The following EPOR variants were observed in gnomAD, a reference collection of about 807,000 sequenced individuals.
The protein encoded by EPOR is erythropoietin receptor.
A neutral mutation model predicts 34.3 loss-of-function variants in EPOR; 20 were observed. The observed-to-expected ratio is 0.58, with a 90% confidence interval of 0.41 to 0.85. EPOR has a LOEUF of 0.85. EPOR is among the 40% of genes least tolerant of loss of function. The pLI is 0.00. For synonymous variants in EPOR, 312 were observed against 299.0 expected (o/e 1.04, Z -0.45); for missense variants, 601 against 672.7 (o/e 0.89, Z 1.18).
At chr19:11,379,665 C>T (rs145717443) in intron 6 of EPOR, among the ~76,000 whole-genome samples, 1 of 152,028 alleles carries the variant, frequency 6.6e-6, no homozygotes, top group East Asian at 1.9e-4. Flanking sequence ...TCAATATCTG[C>T]CACACCCCCT....
chr19:11,380,312 T>C (rs562985381), intron 6 of EPOR, among the ~76,000 whole-genome samples: 1 of 152,302 alleles, frequency 6.6e-6, no homozygotes, highest in East Asian at 1.9e-4. Flanking sequence ...CTCCATTCTC[T>C]CTCCAGTGCC....
At position 11,378,635 on chromosome 19, in the gene EPOR, T is replaced by A. The variant is rs374871864; in HGVS notation, c.916-40A>T. 3 of 1,614,106 alleles carry A rather than the reference T, an allele frequency of 1.9e-6. No individual in the cohort carries two copies. The South Asian group carries it at 3.3e-5, about 18-fold the overall frequency. On this transcript the variant is annotated intron_variant, in intron 7 of 7. Coordinates refer to ENST00000222139, the MANE Select transcript of EPOR (RefSeq NM_000121.4). The surrounding 1 kb of genome is among the most constrained non-coding windows in gnomAD (Gnocchi z 5.3). ...CCAACCTGCTCAGAGAGGCCTGCAG[T>A]TTGGCTGCAAGAAGCAGGGAAGCCC...
chr19:11,377,300 G>A lies in EPOR; in HGVS notation c.*684C>T. The A allele has an allele frequency of 2.2e-6, 1 of 454,054 alleles. No individual in the cohort carries two copies. The highest frequency in any genetic ancestry group is 1.6e-5 in the South Asian group (1 of 64,474). The allele number at this position is 454,054 out of a possible 1,614,324, so 28.1% of individuals were successfully genotyped here. ...CTTCCTGGGTGTACAGCTAAACTAA[G>A]TTTCCTGGCCTTTCATGTGACTGGG... On this transcript the variant is annotated 3_prime_UTR_variant, in exon 8 of 8. Transcript: ENST00000222139.
rs375609414 is a variant in EPOR, at chr19:11,381,125, T to A, written c.670A>T (p.Met224Leu). 1.3e-6 allele frequency: 2 copies of A among 1,580,440 alleles called. No homozygotes were observed. The highest frequency in any genetic ancestry group is 1.8e-5 in the Admixed American group (1 of 55,468). ...AAGCCGCCGAAGCTCGGCTCAGCCATACGCGCGCGGACGGCGAAGGTGTAG... is the reference window on the plus strand; with the variant it reads ...AAGCCGCCGAAGCTCGGCTCAGCCAAACGCGCGCGGACGGCGAAGGTGTAG... ...TRYTFAVRAR[M>L]AEPSFGGFWS... is the part of the protein sequence containing the mutation. The change falls in exon 5 of 8, where the codon ATG (methionine) becomes TTG (leucine). Residue 224 changes from methionine to leucine, a missense_variant. Transcript: ENST00000222139. This position sits in a 1 kb window ranked among gnomAD's most constrained non-coding sequence, Gnocchi z 5.3.
At position 11,381,282 on chromosome 19, in the gene EPOR, C is replaced by T. The variant is rs1335215691; in HGVS notation, c.586-73G>A. ...GACGTGGGGGCGGGCCCTGGTGGAA[C>T]TGAGCCAATCAGGGGAAAGGAAAAC... On this transcript the variant is annotated intron_variant, in intron 4 of 7. Transcript: ENST00000222139. The surrounding 1 kb of genome is among the most constrained non-coding windows in gnomAD (Gnocchi z 5.3). The T allele has an allele frequency of 5.3e-6, 8 of 1,495,668 alleles. No individual in the cohort carries two copies. The highest frequency in any genetic ancestry group is 7.3e-6 in the Non-Finnish European group (8 of 1,100,516). 92.6% of individuals were successfully genotyped at this position (1,495,668 alleles called of 1,614,324 possible). A position where few individuals can be genotyped will look rare whatever the true frequency, so the allele number is the denominator to read the frequency against.
Position 11,378,277 on chromosome 19 carries a change from A to G in EPOR, c.1234T>C (p.Ser412Pro), listed in dbSNP as rs2144694094. 6.2e-7 allele frequency: 1 copy of G among 1,614,080 alleles called. No individual in the cohort carries two copies. The highest frequency in any genetic ancestry group is 1.1e-5 in the South Asian group (1 of 91,088). Residue 412 changes from serine to proline, a missense_variant, in exon 8 of 8, where the codon TCG (serine) becomes CCG (proline). Ser to Pro is a moderately conservative substitution (Grantham distance 74). Transcript: ENST00000222139. The surrounding 1 kb of genome is among the most constrained non-coding windows in gnomAD (Gnocchi z 5.3). ...GAGGCTCCCTCTGGGCTGGGCTTCG[A>G]GGCCAAAGCAGATGAGCAGGAGGAT... ...EASSCSSALA[S>P]KPSPEGASAA... is the part of the protein sequence containing the mutation.
chr19:11,382,833 T>C (rs1053724554), intron 2 of EPOR: 13 of 1,462,278 alleles, frequency 8.9e-6, no homozygotes, highest in Non-Finnish European at 6.4e-6. Flanking sequence ...AGCCCCGACG[T>C]AGTAACGCCT....
chr19:11,381,130 G>A lies in EPOR; in HGVS notation c.665C>T (p.Ala222Val). Residue 222 changes from alanine (A) to valine (V), a missense_variant, in exon 5 of 8, where the codon GCG becomes GTG. Coordinates refer to ENST00000222139, the MANE Select transcript of EPOR (RefSeq NM_000121.4). This position sits in a 1 kb window ranked among gnomAD's most constrained non-coding sequence, Gnocchi z 5.3. ...GRTRYTFAVR[A>V]RMAEPSFGGF... is the part of the protein sequence containing the mutation. ...GCCGAAGCTCGGCTCAGCCATACGC[G>A]CGCGGACGGCGAAGGTGTAGCGCGT... 1 of 1,571,946 alleles carries A rather than the reference G, an allele frequency of 6.4e-7. No individual in the cohort carries two copies.
At chr19:11,380,059 G>A (rs1968335662) in intron 6 of EPOR, among the ~76,000 whole-genome samples, 1 of 152,300 alleles carries the variant, frequency 6.6e-6, no homozygotes, top group South Asian at 2.1e-4. Context: ...CCACCTCAGG[G>A]CCTTTGCACT....
Position 11,378,348 on chromosome 19 carries a change from G to A in EPOR, c.1163C>T (p.Pro388Leu), listed in dbSNP as rs1163832180. 1 of 1,613,348 alleles carries A rather than the reference G, an allele frequency of 6.2e-7. No homozygotes were observed. The highest frequency in any genetic ancestry group is 1.1e-5 in the South Asian group (1 of 91,086). The change falls in exon 8 of 8, where the codon CCT becomes CTT. Residue 388 changes from proline to leucine, a missense_variant. Physicochemically the swap from Pro to Leu is moderately conservative, Grantham distance 98. Coordinates refer to ENST00000222139, the MANE Select transcript of EPOR (RefSeq NM_000121.4). The surrounding 1 kb of genome is among the most constrained non-coding windows in gnomAD (Gnocchi z 5.3). ...RNPPSEDLPG[P>L]GGSVDIVAMD... ...GGCCACTATGTCCACACTGCCACCA[G>A]GCCCTGGGAGGTCCTCACTGGGCGG...
intron 6 of EPOR, among the ~76,000 whole-genome samples, chr19:11,380,612 G>A (rs1968342281): frequency 6.6e-6 from 1 of 152,204 alleles, no homozygotes; most frequent in East Asian, 1.9e-4. Flanking sequence ...TTTTACAAAG[G>A]TGATGACACT....
In EPOR at chr19:11,382,099, C is replaced by T; in HGVS notation, c.258G>A (p.Glu86=). 6.2e-7 allele frequency: 1 copy of T among 1,613,324 alleles called. No individual in the cohort carries two copies. The highest frequency in any genetic ancestry group is 8.5e-7 in the Non-Finnish European group (1 of 1,179,470). The change falls in exon 3 of 8, where the codon GAG becomes GAA. Residue 86 remains glutamate (E), a synonymous_variant. Coordinates refer to ENST00000222139, the MANE Select transcript of EPOR (RefSeq NM_000121.4). ...GGTGCAGGCGACACAGCTTCCATGG[C>T]TCATCCCTATGCGCCCAGGGAAGGG... is the stretch of plus-strand genomic sequence containing the variant. ...NYSFSYQLED[E]PWKLCRLHQA...
rs869111819 is a variant in EPOR, at chr19:11,382,361, CT to C, written c.252-257del. 0.063 allele frequency among the ~76,000 whole-genome samples: 7,816 copies of C among 124,746 alleles called. 158 individuals are homozygous for C. The highest frequency in any genetic ancestry group is 0.16 in the East Asian group (720 of 4,418). The allele number at this position is 124,746 out of a possible 152,430, so 81.8% of individuals were successfully genotyped here. A position where few individuals can be genotyped will look rare whatever the true frequency, so the allele number is the denominator to read the frequency against. Reference sequence around the variant, plus strand: ...GACCACAGGCACGCGCCACGCCTGGCTTTTTTTTTTTTTTTTTTTGAGACGG... The same window carrying C: ...GACCACAGGCACGCGCCACGCCTGGCTTTTTTTTTTTTTTTTTTGAGACGG... On this transcript the variant is annotated intron_variant, in intron 2 of 7. Coordinates refer to ENST00000222139, the MANE Select transcript of EPOR (RefSeq NM_000121.4).
In EPOR at chr19:11,378,463, C is replaced by G. The variant is rs765269651; in HGVS notation, c.1048G>C (p.Asp350His). Residue 350 changes from aspartate (D) to histidine (H), a missense_variant, in exon 8 of 8, where the codon GAT (aspartate) becomes CAT (histidine). Physicochemically the swap from Asp to His is moderately conservative, Grantham distance 81. Transcript: ENST00000222139. This position sits in a 1 kb window ranked among gnomAD's most constrained non-coding sequence, Gnocchi z 5.3. Reference protein sequence around the residue: ...GTMQAVEPGTDDEGPLLEPVG... With the variant: ...GTMQAVEPGTHDEGPLLEPVG... Reference sequence around the variant, plus strand: ...GGCTCCAGCAGGGGGCCCTCATCATCTGTCCCCGGCTCCACTGCCTGCATC... The same window carrying G: ...GGCTCCAGCAGGGGGCCCTCATCATGTGTCCCCGGCTCCACTGCCTGCATC... 3 of 1,614,230 alleles carry G rather than the reference C, an allele frequency of 1.9e-6. No individual in the cohort carries two copies. The highest frequency in any genetic ancestry group is 1.7e-6 in the Non-Finnish European group (2 of 1,180,040).
chr19:11,381,332 C>T lies in EPOR; in HGVS notation c.586-123G>A. On this transcript the variant is annotated intron_variant, in intron 4 of 7. Transcript: ENST00000222139. This position sits in a 1 kb window ranked among gnomAD's most constrained non-coding sequence, Gnocchi z 5.3. ...CGGTGCCCTAGAATTGCAATGGGAC[C>T]AATAAGAGTAGGGGGAGGAGCCCAA... 9.3e-7 allele frequency: 1 copy of T among 1,078,976 alleles called. No homozygotes were observed. The highest frequency in any genetic ancestry group is 1.4e-5 in the South Asian group (1 of 73,178). 66.8% of individuals were successfully genotyped at this position (1,078,976 alleles called of 1,614,324 possible).
Position 11,383,986 on chromosome 19 carries a change from A to G in EPOR, c.115+107T>C. The G allele has an allele frequency of 1.8e-6, 1 of 565,298 alleles. No homozygotes were observed. Among genetic ancestry groups the G allele is most frequent in the South Asian group, 1.5e-5 (1 of 66,146 alleles). The allele number at this position is 565,298 out of a possible 1,614,324, so 35.0% of individuals were successfully genotyped here. A position where few individuals can be genotyped will look rare whatever the true frequency, so the allele number is the denominator to read the frequency against. On this transcript the variant is annotated intron_variant, in intron 1 of 7. Coordinates refer to ENST00000222139, the MANE Select transcript of EPOR (RefSeq NM_000121.4). The surrounding 1 kb of genome is among the most constrained non-coding windows in gnomAD (Gnocchi z 4.9). ...CCAGCTTGGCCCCCAGGACCCGGTC[A>G]GGAAGTCCAGAAACAGGCATGGCCC...
At chr19:11,382,888 G>C in intron 2 of EPOR, 2 of 1,525,284 alleles carry the variant, frequency 1.3e-6, no homozygotes, top group Non-Finnish European at 1.8e-6. Flanking sequence ...GATGTTTGGG[G>C]TCGCGTTCCA....
chr19:11,378,448 G>A lies in EPOR; in HGVS notation c.1063C>T (p.Leu355=), dbSNP rs768821794. The change falls in exon 8 of 8, where the codon CTG becomes TTG. Residue 355 remains leucine, a synonymous_variant. Transcript: ENST00000222139. This position sits in a 1 kb window ranked among gnomAD's most constrained non-coding sequence, Gnocchi z 5.3. ...TGCTCACTGCCCACTGGCTCCAGCA[G>A]GGGGCCCTCATCATCTGTCCCCGGC... is the stretch of plus-strand genomic sequence containing the variant. ...VEPGTDDEGP[L]LEPVGSEHAQ... 3.7e-6 allele frequency: 6 copies of A among 1,614,022 alleles called. No individual in the cohort carries two copies. In the Admixed American group the frequency reaches 1.0e-4, roughly 27 times the overall value.
Position 11,381,667 on chromosome 19 carries a change from G to T in EPOR, c.585+25C>A, listed in dbSNP as rs1200204353. The T allele has an allele frequency of 6.3e-7, 1 of 1,585,178 alleles. No homozygotes were observed. Among genetic ancestry groups the T allele is most frequent in the African/African-American group, 1.3e-5 (1 of 74,316 alleles). ...GGCCGTAGTCAGTGGAGCTTTGGGGGCTGGGCCGTAGGGGCTGGCCTCACC... is the reference window on the plus strand; with the variant it reads ...GGCCGTAGTCAGTGGAGCTTTGGGGTCTGGGCCGTAGGGGCTGGCCTCACC... On this transcript the variant is annotated intron_variant, in intron 4 of 7. Transcript: ENST00000222139. The surrounding 1 kb of genome is among the most constrained non-coding windows in gnomAD (Gnocchi z 5.3).
Sources: allele counts gnomAD v4.1 joint callset (sites outside exome capture counted in the v4.1 genomes callset), GRCh38; gene constraint gnomAD v4.1.1; non-coding constraint Gnocchi (gnomAD v3.1); transcripts MANE v1.5; gene names NCBI Gene and HGNC (gene_info 2026-07-23, HGNC 2026-07-21).